The following CACNA1C variants were observed in gnomAD, a reference collection of about 807,000 sequenced individuals.
CACNA1C encodes the protein calcium voltage-gated channel subunit alpha1 C, also known as voltage-dependent L-type calcium channel subunit alpha-1C.
CACNA1C carries 30 observed loss-of-function variants against 229.0 expected under a neutral mutation model. The ratio of observed to expected loss-of-function variants is 0.13; its 90% CI spans 0.10 to 0.18. CACNA1C has a LOEUF of 0.18. Among genes scored for constraint, CACNA1C ranks in the 10% least tolerant of loss-of-function variants. The pLI, the probability that CACNA1C is intolerant of heterozygous loss-of-function variation, is 1.00. For missense variants in CACNA1C, 1,658 were observed against 2,845.0 expected (o/e 0.58, Z 9.49); for synonymous variants, 1,114 against 1,132.5 (o/e 0.98, Z 0.33).
At chr12:2,162,771 G>A (rs759823690) in intron 3 of CACNA1C, among the ~76,000 whole-genome samples, 3 of 152,204 alleles carry the variant, frequency 2.0e-5, no homozygotes, top group Middle Eastern at 3.4e-3. Flanking sequence ...TGGCTTTGCC[G>A]TTTCCAGATT....
At chr12:2,182,500 CG>C (rs904716279) in intron 3 of CACNA1C, among the ~76,000 whole-genome samples, 8 of 152,080 alleles carry the variant, frequency 5.3e-5, no homozygotes, top group Middle Eastern at 3.2e-3. Flanking sequence ...TGAGCCCTGT[CG>C]GGGGTCGCTG....
chr12:2,633,810 A>C lies in CACNA1C; in HGVS notation c.3829-487A>C. On this transcript the variant is annotated intron_variant, in intron 29 of 46. Coordinates refer to ENST00000399655, the MANE Select transcript of CACNA1C (RefSeq NM_000719.7). This position sits in a 1 kb window ranked among gnomAD's most constrained non-coding sequence, Gnocchi z 5.8. Reference sequence around the variant, plus strand: ...TCACTCTCTCTGTTTACCTTCTTTTATGTTTTTTTTAATTTCCTGTTTTTA... The same window carrying C: ...TCACTCTCTCTGTTTACCTTCTTTTCTGTTTTTTTTAATTTCCTGTTTTTA... The C allele has an allele frequency of 1.4e-6, 1 of 722,682 alleles. No homozygotes were observed. The highest frequency in any genetic ancestry group is 2.4e-6 in the Non-Finnish European group (1 of 421,166). The allele number at this position is 722,682 out of a possible 1,614,324, so 44.8% of individuals were successfully genotyped here. A position where few individuals can be genotyped will look rare whatever the true frequency, so the allele number is the denominator to read the frequency against.
At chr12:1,979,938 C>T (rs2035619551) in intron 1 of CACNA1C, among the ~76,000 whole-genome samples, 1 of 151,982 alleles carries the variant, frequency 6.6e-6, no homozygotes, top group Non-Finnish European at 1.5e-5. Context: ...GATATCACTT[C>T]AGAATTCCCA....
chr12:2,060,184 G>T (rs543294571), intron 1 of CACNA1C, among the ~76,000 whole-genome samples: 19 of 152,130 alleles, frequency 1.2e-4, no homozygotes, highest in Non-Finnish European at 2.5e-4. Context: ...GCTTGTTTCA[G>T]CCCCTTTGCG....
intron 3 of CACNA1C, among the ~76,000 whole-genome samples, chr12:2,172,244 C>G (rs2096514824): frequency 6.6e-6 from 1 of 152,152 alleles, no homozygotes; most frequent in Admixed American, 6.5e-5. Context: ...AACAGGGGCC[C>G]TGGGAGAACC....
At chr12:2,333,827 C>CA (rs1223514971) in intron 3 of CACNA1C, among the ~76,000 whole-genome samples, 2 of 152,242 alleles carry the variant, frequency 1.3e-5, no homozygotes, top group Non-Finnish European at 2.9e-5. Context: ...CTCTGTGGCA[C>CA]ACAGCCCTCC....
At chr12:2,357,447 G>A (rs1190204973) in intron 3 of CACNA1C, among the ~76,000 whole-genome samples, 2 of 152,122 alleles carry the variant, frequency 1.3e-5, no homozygotes, top group Admixed American at 6.5e-5. Context: ...TGTATCTGGA[G>A]AGGTTCTTCT....
In CACNA1C at chr12:2,606,601, T is replaced by C. The variant is rs1337865643; in HGVS notation, c.3157-10T>C. Reference sequence around the variant, plus strand: ...TGAACATCTCTGATACTCTGTTCTCTGCCTTCCAGGGAAAGCTGTACACCT... The same window carrying C: ...TGAACATCTCTGATACTCTGTTCTCCGCCTTCCAGGGAAAGCTGTACACCT... On this transcript the variant is annotated splice_polypyrimidine_tract_variant and intron_variant, in intron 24 of 46. Transcript: ENST00000399655. 1 of 1,600,236 alleles carries C rather than the reference T, an allele frequency of 6.2e-7. No individual in the cohort carries two copies. The highest frequency in any genetic ancestry group is 2.2e-5 in the East Asian group (1 of 44,460).
At chr12:2,431,537 T>C (rs941060073) in intron 3 of CACNA1C, among the ~76,000 whole-genome samples, 2 of 152,192 alleles carry the variant, frequency 1.3e-5, no homozygotes, top group African/African-American at 4.8e-5. Flanking sequence ...TGCTCTGTGC[T>C]GAGAGGTCGG....
chr12:2,264,166 G>T (rs2081398743), intron 3 of CACNA1C, among the ~76,000 whole-genome samples: 1 of 152,208 alleles, frequency 6.6e-6, no homozygotes, highest in Admixed American at 6.5e-5. Flanking sequence ...TAGGGGTAGG[G>T]TGAGGACCCC....
chr12:2,545,729 CAA>C (rs1214422178), intron 9 of CACNA1C, among the ~76,000 whole-genome samples: 1 of 152,140 alleles, frequency 6.6e-6, no homozygotes, highest in Non-Finnish European at 1.5e-5. Flanking sequence ...TCCAACAATG[CAA>C]AAAACACAAT....
chr12:2,688,537 C>T lies in CACNA1C; in HGVS notation c.5875C>T (p.Pro1959Ser), dbSNP rs755941724. 2 of 1,613,902 alleles carry T rather than the reference C, an allele frequency of 1.2e-6. No individual in the cohort carries two copies. The highest frequency in any genetic ancestry group is 1.7e-5 in the Admixed American group (1 of 60,016). ...PRPFATPPAT[P>S]GSRGWPPQPV... The stretch of plus-strand genomic sequence containing the variant: ...GCCTTTTGCCACCCCACCAGCCACA[C>T]CTGGCAGCCGAGGCTGGCCCCCACA... Residue 1959 changes from proline (P) to serine (S), a missense_variant, in exon 46 of 47, where the codon CCT becomes TCT. By Grantham distance (74) the Pro-to-Ser change is moderately conservative. Around this residue, in one of 20 missense-constraint regions of CACNA1C, gnomAD observed 590 missense variants for 700.8 expected, o/e 0.84. Transcript: ENST00000399655.
intron 1 of CACNA1C, among the ~76,000 whole-genome samples, chr12:2,008,485 C>T (rs1003242400): frequency 1.3e-5 from 2 of 152,066 alleles, no homozygotes; most frequent in Non-Finnish European, 2.9e-5. Context: ...ACGTAGTCTC[C>T]CTAGCACTTG....
At chr12:2,640,779 A>G (rs184238517) in intron 30 of CACNA1C, among the ~76,000 whole-genome samples, 2 of 152,026 alleles carry the variant, frequency 1.3e-5, no homozygotes, top group African/African-American at 4.8e-5. Flanking sequence ...GTCACTCACT[A>G]CTCTCCACAA....
intron 6 of CACNA1C, among the ~76,000 whole-genome samples, chr12:2,487,249 G>A (rs1044610040): frequency 1.4e-4 from 21 of 151,590 alleles, no homozygotes; most frequent in African/African-American, 5.1e-4. Context: ...GGTGGAAAAA[G>A]GGGAGCATCA....
At chr12:2,193,480 T>C (rs11062150) in intron 3 of CACNA1C, among the ~76,000 whole-genome samples, 8 of 152,144 alleles carry the variant, frequency 5.3e-5, no homozygotes, top group East Asian at 1.9e-4. Context: ...ACAAAAAACT[T>C]GTAAAGGTTC....
At chr12:2,458,056 G>T (rs1451982633) in intron 5 of CACNA1C, among the ~76,000 whole-genome samples, 1 of 152,136 alleles carries the variant, frequency 6.6e-6, no homozygotes, top group Non-Finnish European at 1.5e-5. Context: ...AATCTCCGAG[G>T]CTCCAGAGCA....
chr12:2,287,372 G>A lies in CACNA1C; in HGVS notation c.478-161604G>A, dbSNP rs921366342. ...TGTCCCTTGAGGCAGTGCTGCACAT[G>A]GTGCAGTTCCAGAGAAATGAGGGAA... On this transcript the variant is annotated intron_variant, in intron 3 of 46. Coordinates refer to ENST00000399655, the MANE Select transcript of CACNA1C (RefSeq NM_000719.7). The surrounding 1 kb of genome is among the most constrained non-coding windows in gnomAD (Gnocchi z 4.6). 1.3e-5 allele frequency among the ~76,000 whole-genome samples: 2 copies of A among 152,206 alleles called. No homozygotes were observed. Among genetic ancestry groups the A allele is most frequent in the Non-Finnish European group, 2.9e-5 (2 of 68,030 alleles).
chr12:2,090,403 G>A (rs1249227304), intron 1 of CACNA1C, among the ~76,000 whole-genome samples: 1 of 132,940 alleles, frequency 7.5e-6, no homozygotes, highest in Non-Finnish European at 1.5e-5. Flanking sequence ...CTGCAACCTC[G>A]GTCTCCCAGG....
Sources: gnomAD v4.1 joint callset for allele counts (sites outside exome capture counted in the v4.1 genomes callset) on GRCh38, gnomAD v4.1.1 for gene constraint, gnomAD v4.1.1 regional missense constraint, Gnocchi (gnomAD v3.1) non-coding constraint, MANE v1.5 for transcripts, NCBI Gene and HGNC (gene_info 2026-07-23, HGNC 2026-07-21) for gene names.